SSH2: variants seen among roughly 807,000 people sequenced by gnomAD.
SSH2 encodes the protein slingshot protein phosphatase 2.
Under a neutral mutation model 135.2 loss-of-function variants are expected in SSH2, and 37 were observed. The observed-to-expected ratio is 0.27, with a 90% CI of 0.21 to 0.36. The LOEUF is 0.36. SSH2 is among the 10% of genes least tolerant of loss of function. SSH2 has a pLI of 1.00. For missense variants in SSH2, 1,408 were observed against 1,765.3 expected (o/e 0.80, Z 3.63); for synonymous variants, 628 against 646.2 (o/e 0.97, Z 0.43).
chr17:29,855,769 T>C lies in SSH2; in HGVS notation c.64-6840A>G, dbSNP rs540863244. The C allele has an allele frequency of 1.9e-5, 3 of 160,512 alleles. No individual in the cohort carries two copies. In the South Asian group the frequency reaches 5.3e-4, roughly 28 times the overall value. The allele number at this position is 160,512 out of a possible 1,614,324, so 9.9% of individuals were successfully genotyped here. A position where few individuals can be genotyped will look rare whatever the true frequency, so the allele number is the denominator to read the frequency against. On this transcript the variant is annotated intron_variant, in intron 1 of 15. Transcript: ENST00000540801. ...GTATCTACTGAGAGAATGAAGACCA[T>C]TCTTGGCAATCAGACTATTGACATT...
At chr17:29,657,564 C>T (rs1279682627) in intron 11 of SSH2, among the ~76,000 whole-genome samples, 9 of 142,482 alleles carry the variant, frequency 6.3e-5, no homozygotes, top group South Asian at 2.3e-4. Context: ...CCACTGTGCC[C>T]GGCTACTTTG....
intron 1 of SSH2, 86 bp downstream of exon 1, chr17:29,929,852 G>A: frequency 1.5e-6 from 2 of 1,295,692 alleles, no homozygotes; most frequent in Non-Finnish European, 1.1e-6. Flanking sequence ...CGCGGCGCGT[G>A]CGCAGTGGCG....
chr17:29,799,902 A>T (rs1166994269), intron 2 of SSH2, among the ~76,000 whole-genome samples: 1 of 152,238 alleles, frequency 6.6e-6, no homozygotes, highest in African/African-American at 2.4e-5. Flanking sequence ...TGCTATAATC[A>T]GCTGCATCTA....
At chr17:29,665,574 G>A (rs1246004938) in intron 11 of SSH2, among the ~76,000 whole-genome samples, 4 of 152,228 alleles carry the variant, frequency 2.6e-5, no homozygotes, top group Non-Finnish European at 4.4e-5. Flanking sequence ...GTTCATAAAC[G>A]TCCTCAAGAA....
chr17:29,845,946 T>C (rs1362232464), intron 2 of SSH2, among the ~76,000 whole-genome samples: 1 of 152,144 alleles, frequency 6.6e-6, no homozygotes, highest in Non-Finnish European at 1.5e-5. Context: ...ATATTCTTCA[T>C]GTAGATTCCC....
At chr17:29,853,247 C>T (rs779433410) in intron 1 of SSH2, among the ~76,000 whole-genome samples, 1 of 151,604 alleles carries the variant, frequency 6.6e-6, no homozygotes, top group Admixed American at 6.6e-5. Flanking sequence ...CCACAACGAC[C>T]GGCTAATTTT....
At chr17:29,847,655 G>GT (rs1158853289) in intron 2 of SSH2, among the ~76,000 whole-genome samples, 1 of 152,196 alleles carries the variant, frequency 6.6e-6, no homozygotes, top group Non-Finnish European at 1.5e-5. Context: ...AGCAGGACTT[G>GT]TTTTCTGGTC....
chr17:29,783,991 G>A (rs1419663998), intron 3 of SSH2, among the ~76,000 whole-genome samples: 3 of 141,398 alleles, frequency 2.1e-5, no homozygotes, highest in South Asian at 2.4e-4. Flanking sequence ...GCGTGAACCC[G>A]GGAGGCGGAG....
At chr17:29,739,179 A>G (rs1332702569) in intron 3 of SSH2, among the ~76,000 whole-genome samples, 1 of 152,184 alleles carries the variant, frequency 6.6e-6, no homozygotes, top group African/African-American at 2.4e-5. Flanking sequence ...ATAGGAAGAT[A>G]AAAAATAGAG....
chr17:29,871,492 T>C (rs934355788), intron 1 of SSH2, among the ~76,000 whole-genome samples: 1 of 152,256 alleles, frequency 6.6e-6, no homozygotes, highest in Non-Finnish European at 1.5e-5. Context: ...TTTGAAAATA[T>C]ACTCTCTTGC....
intron 2 of SSH2, among the ~76,000 whole-genome samples, chr17:29,804,198 C>T (rs1055179319): frequency 7.2e-5 from 11 of 152,166 alleles, no homozygotes; most frequent in African/African-American, 2.2e-4. Flanking sequence ...TCACATCATG[C>T]TCCTATTAAT....
At chr17:29,727,141 T>A (rs2040028727) in intron 3 of SSH2, among the ~76,000 whole-genome samples, 1 of 152,206 alleles carries the variant, frequency 6.6e-6, no homozygotes, top group Non-Finnish European at 1.5e-5. Context: ...ATTCAACGGA[T>A]ATGACAATAT....
At chr17:29,894,700 A>G (rs1339042014) in intron 1 of SSH2, among the ~76,000 whole-genome samples, 1 of 151,864 alleles carries the variant, frequency 6.6e-6, no homozygotes, top group African/African-American at 2.4e-5. Flanking sequence ...GATGTTCACC[A>G]CCCACTCCCA....
chr17:29,674,268 G>T, intron 8 of SSH2: 1 of 438,996 alleles, frequency 2.3e-6, no homozygotes, highest in South Asian at 1.6e-5. Flanking sequence ...CAAAGTTGCA[G>T]AGTCTTTTAA....
chr17:29,658,867 C>CAAAAAAAAAAAAAAAAAAAAA (rs541052752), intron 11 of SSH2, among the ~76,000 whole-genome samples: 1 of 33,410 alleles, frequency 3.0e-5, no homozygotes, highest in Non-Finnish European at 6.5e-5. Context: ...AACTCCGTCT[C>CAAAAAAAAAAAAAAAAAAAAA]AAAAAAAAAA....
intron 1 of SSH2, among the ~76,000 whole-genome samples, chr17:29,855,148 T>C (rs896493612): frequency 2.6e-4 from 40 of 152,266 alleles, no homozygotes; most frequent in South Asian, 4.1e-4. Context: ...GTATCTTTTT[T>C]TGTGGTTCTA....
intron 2 of SSH2, among the ~76,000 whole-genome samples, chr17:29,816,318 A>G (rs1334825217): frequency 6.6e-6 from 1 of 152,200 alleles, no homozygotes; most frequent in African/African-American, 2.4e-5. Context: ...ATCTATAGAG[A>G]TATATTCATT....
At chr17:29,723,099 T>A (rs1052353617) in intron 3 of SSH2, among the ~76,000 whole-genome samples, 2 of 152,162 alleles carry the variant, frequency 1.3e-5, no homozygotes, top group African/African-American at 4.8e-5. Flanking sequence ...ACTACTTAGC[T>A]CTATGCAAGA....
chr17:29,660,205 GT>G (rs1187276507), intron 11 of SSH2, among the ~76,000 whole-genome samples: 4 of 151,796 alleles, frequency 2.6e-5, no homozygotes, highest in African/African-American at 9.7e-5. Context: ...GAAGACTTAG[GT>G]TCAAGTTCTG....
Sources: gnomAD v4.1 joint callset for allele counts (sites outside exome capture counted in the v4.1 genomes callset) on GRCh38, gnomAD v4.1.1 for gene constraint, MANE v1.5 for transcripts, NCBI Gene and HGNC (gene_info 2026-07-23, HGNC 2026-07-21) for gene names.